The following CTNS variants were observed in gnomAD, a reference collection of about 807,000 sequenced individuals.
CTNS encodes cystinosin.
CTNS carries 27 observed loss-of-function variants against 43.7 expected under a neutral mutation model. That is an observed-to-expected ratio of 0.62 (90% confidence interval 0.46 to 0.85). The LOEUF (loss-of-function observed/expected upper bound fraction) is 0.85. Among genes scored for constraint, CTNS ranks in the 40% least tolerant of loss-of-function variants. The probability of loss-of-function intolerance (pLI) is 0.00; values close to 1 mark genes in which losing one functional copy is unlikely to be tolerated. For missense variants in CTNS, 457 were observed against 475.4 expected (o/e 0.96, Z 0.36); for synonymous variants, 187 against 190.6 (o/e 0.98, Z 0.16).
chr17:3,658,236 G>C (rs1035556077), intron 10 of CTNS, 61 bp downstream of exon 10: 1 of 1,599,550 alleles, frequency 6.3e-7, no homozygotes, highest in East Asian at 2.2e-5. Flanking sequence ...ACATGGCCCA[G>C]GCCCTGCTCC....
intron 3 of CTNS, among the ~76,000 whole-genome samples, chr17:3,644,441 C>A (rs1366458207): frequency 1.3e-5 from 2 of 152,114 alleles, no homozygotes; most frequent in Non-Finnish European, 2.9e-5. Flanking sequence ...TTGGAGTGTT[C>A]ACAAACTCCT....
Position 3,658,119 on chromosome 17 carries a change from C to T in CTNS, c.796C>T (p.Leu266Phe). ...GGGAGTGACCACGTGGCTGCAGTTT[C>T]TCTTCTGCTTCTCCTACATCAAGCT... ...AVGVTTWLQFLFCFSYIKLAV... is the reference protein window; with the variant it reads ...AVGVTTWLQFFFCFSYIKLAV... Residue 266 changes from leucine (L) to phenylalanine (F), a missense_variant, in exon 10 of 12, where the codon CTC becomes TTC. By Grantham distance (22) the Leu-to-Phe change is conservative. Coordinates refer to ENST00000046640, the MANE Select transcript of CTNS (RefSeq NM_004937.3). 1 of 1,612,514 alleles carries T rather than the reference C, an allele frequency of 6.2e-7. No homozygotes were observed. The highest frequency in any genetic ancestry group is 2.2e-5 in the East Asian group (1 of 44,884).
intron 2 of CTNS, 162 bp from the exon 3 acceptor site, chr17:3,640,026 T>C: frequency 1.5e-6 from 1 of 659,748 alleles, no homozygotes; most frequent in Non-Finnish European, 2.8e-6. Context: ...ATAAGTCCTC[T>C]CTAGGGTGTC....
rs774959749 is a variant in CTNS at position 3,655,367 on chromosome 17, C to T, written c.461+15C>T. On this transcript the variant is annotated intron_variant, in intron 7 of 11. Coordinates refer to ENST00000046640, the MANE Select transcript of CTNS (RefSeq NM_004937.3). ...AGGCGGAAAAGGTAACCCCCTGGGCCGTATGTGCAGGCTCTCTCGGGGCCC... is the reference window on the plus strand; with the variant it reads ...AGGCGGAAAAGGTAACCCCCTGGGCTGTATGTGCAGGCTCTCTCGGGGCCC... 2.0e-5 allele frequency: 33 copies of T among 1,613,652 alleles called. No homozygotes were observed. Among genetic ancestry groups the T allele is most frequent in the Admixed American group, 1.3e-4 (8 of 60,000 alleles).
chr17:3,655,538 T>G, intron 7 of CTNS, 186 bp downstream of exon 7: 3 of 748,962 alleles, frequency 4.0e-6, no homozygotes, highest in Non-Finnish European at 4.3e-6. Context: ...GGGCGTTTCA[T>G]CCCTTGCCCA....
At chr17:3,640,977 A>C (rs1476842961) in intron 3 of CTNS, among the ~76,000 whole-genome samples, 1 of 152,056 alleles carries the variant, frequency 6.6e-6, no homozygotes, top group Non-Finnish European at 1.5e-5. Context: ...GGGTCCTGGG[A>C]AACACTGGGG....
Position 3,642,676 on chromosome 17 carries a change from A to G in CTNS, c.61+2409A>G, listed in dbSNP as rs1259921266. On this transcript the variant is annotated intron_variant, in intron 3 of 11. Coordinates refer to ENST00000046640, the MANE Select transcript of CTNS (RefSeq NM_004937.3). ...GCACTCCAGCCTGGGTGACAGAGCAATTCCCCATCTCAAAAAGAAAAAAGG... is the reference window on the plus strand; with the variant it reads ...GCACTCCAGCCTGGGTGACAGAGCAGTTCCCCATCTCAAAAAGAAAAAAGG... 2.0e-5 allele frequency among the ~76,000 whole-genome samples: 3 copies of G among 152,174 alleles called. No homozygotes were observed. The East Asian group carries it at 5.8e-4, about 29-fold the overall frequency.
At chr17:3,659,405 C>T (rs931654328) in intron 10 of CTNS, among the ~76,000 whole-genome samples, 2 of 152,242 alleles carry the variant, frequency 1.3e-5, no homozygotes, top group African/African-American at 2.4e-5. Context: ...CCCAAGACAG[C>T]AGGCTCCGGT....
At chr17:3,653,678 C>G (rs569878814) in intron 5 of CTNS, among the ~76,000 whole-genome samples, 1 of 152,250 alleles carries the variant, frequency 6.6e-6, no homozygotes, top group South Asian at 2.1e-4. Context: ...GAGTTTGAGA[C>G]CAGGCTGACC....
rs778099726 is a variant in CTNS at position 3,659,827 on chromosome 17, CTCCGTCTGTCTG to C, written c.853-18_853-7del. 18 of 1,561,202 alleles carry C rather than the reference CTCCGTCTGTCTG, an allele frequency of 1.2e-5. No homozygotes were observed. The highest frequency in any genetic ancestry group is 4.5e-5 in the East Asian group (2 of 44,610). On this transcript the variant is annotated intron_variant, in intron 10 of 11. Transcript: ENST00000046640. ...AGGCAGCCGCCCAGCCCTCACCGCC[CTCCGTCTGTCTG>C]TCCGTCTGTCTGGCCCAGGCCTACA...
In CTNS at chr17:3,636,781, C is replaced by G. The variant is rs1401091992; in HGVS notation, c.-280C>G. On this transcript the variant is annotated 5_prime_UTR_variant, in exon 1 of 12. Transcript: ENST00000046640. ...CGGTGCATTCCTGACCGGCACCTGG[C>G]GAGGCTCATGCGTCCCGTGAGGGCG... 6.6e-6 allele frequency: 1 copy of G among 152,626 alleles called. No individual in the cohort carries two copies. The highest frequency in any genetic ancestry group is 1.5e-5 in the Non-Finnish European group (1 of 68,160). 9.5% of individuals were successfully genotyped at this position (152,626 alleles called of 1,614,324 possible).
At chr17:3,644,117 C>T (rs2075788782) in intron 3 of CTNS, among the ~76,000 whole-genome samples, 1 of 152,146 alleles carries the variant, frequency 6.6e-6, no homozygotes, top group Non-Finnish European at 1.5e-5. Flanking sequence ...TAAAAATATC[C>T]TGCAGTTATC....
chr17:3,659,111 G>A lies in CTNS; in HGVS notation c.853-747G>A, dbSNP rs138231504. Among the ~76,000 whole-genome samples the A allele has an allele frequency of 8.4e-3, 1,277 of 152,254 alleles. 22 individuals carry two copies. Among genetic ancestry groups the A allele is most frequent in the African/African-American group, 0.029 (1,208 of 41,526 alleles). ...CTGCTGGAGGGGCAGCAGCAAGTAC[G>A]GAAGAGGGTGAGCCGGGACACAGAC... On this transcript the variant is annotated intron_variant, in intron 10 of 11. Transcript: ENST00000046640.
At chr17:3,638,490 G>A (rs528007745) in intron 2 of CTNS, among the ~76,000 whole-genome samples, 383 of 149,896 alleles carry the variant, frequency 2.6e-3, no homozygotes, top group African/African-American at 3.9e-3. Flanking sequence ...CAACTGCCTC[G>A]GCCTCCCAAA....
chr17:3,659,078 G>A (rs1014214382), intron 10 of CTNS, among the ~76,000 whole-genome samples: 7 of 152,262 alleles, frequency 4.6e-5, no homozygotes, highest in South Asian at 2.1e-4. Context: ...GGTTGGAGAC[G>A]TTTGGAACTG....
At chr17:3,639,719 C>T (rs1442668183) in intron 2 of CTNS, among the ~76,000 whole-genome samples, 1 of 151,520 alleles carries the variant, frequency 6.6e-6, no homozygotes, top group Non-Finnish European at 1.5e-5. Context: ...TTTTTTAAGT[C>T]TTAAGGGTCA....
In CTNS at chr17:3,659,959, C is replaced by T. The variant is rs2142981648; in HGVS notation, c.954C>T (p.Leu318=). ...GCTTCAGCCTCCTGCAGATGTTCCTCCAGTCCTACAACAACGGTGAGTCAG... is the reference window on the plus strand; with the variant it reads ...GCTTCAGCCTCCTGCAGATGTTCCTTCAGTCCTACAACAACGGTGAGTCAG... ...GGSFSLLQMF[L]QSYNNDQWTL... Residue 318 remains leucine, a synonymous_variant, in exon 11 of 12, where the codon CTC becomes CTT. Transcript: ENST00000046640. 6.2e-7 allele frequency: 1 copy of T among 1,613,502 alleles called. No individual in the cohort carries two copies.
At position 3,637,291 on chromosome 17, in the gene CTNS, C is replaced by G. The variant is rs1423117103; in HGVS notation, c.-45C>G. 1 of 152,174 alleles carries G rather than the reference C, an allele frequency of 6.6e-6. No individual in the cohort carries two copies. The highest frequency in any genetic ancestry group is 2.4e-5 in the African/African-American group (1 of 41,438). The allele number at this position is 152,174 out of a possible 1,614,324, so 9.4% of individuals were successfully genotyped here. ...TGAGGATTACTGTGTTTTGTGAGAG[C>G]TCGCTAGGCGCCCTAAGCAACAGAG... On this transcript the variant is annotated 5_prime_UTR_variant, in exon 2 of 12. Coordinates refer to ENST00000046640, the MANE Select transcript of CTNS (RefSeq NM_004937.3).
At chr17:3,647,209 C>T (rs1446530478) in intron 3 of CTNS, among the ~76,000 whole-genome samples, 1 of 152,218 alleles carries the variant, frequency 6.6e-6, no homozygotes, top group African/African-American at 2.4e-5. Flanking sequence ...GTCATCGCAG[C>T]GGGAGGAGGA....
Sources: gnomAD v4.1 joint callset for allele counts (sites outside exome capture counted in the v4.1 genomes callset) on GRCh38, gnomAD v4.1.1 for gene constraint, MANE v1.5 for transcripts, NCBI Gene and HGNC (gene_info 2026-07-23, HGNC 2026-07-21) for gene names.